Variants in TTYH3 observed in about 807,000 individuals in gnomAD.
The protein encoded by TTYH3 is tweety family member 3.
TTYH3 carries 23 observed loss-of-function variants against 68.2 expected under a neutral mutation model. The ratio of observed to expected loss-of-function variants is 0.34; its 90% confidence interval spans 0.24 to 0.48. The LOEUF is 0.48. Ranked by LOEUF, TTYH3 falls within the 20% of genes least tolerant of loss-of-function variation. TTYH3 has a pLI of 0.99. For missense variants in TTYH3, 768 were observed against 727.7 expected, an observed-to-expected ratio of 1.06 and a Z score of -0.64; for synonymous variants, 360 against 332.8, an observed-to-expected ratio of 1.08 and a Z score of -0.89.
At position 2,654,753 on chromosome 7, in the gene TTYH3, T is replaced by A. The variant is rs565007761; in HGVS notation, c.1021-1339T>A. ...TCACAGGACCATCCCTCTGTGGGTG[T>A]CTGTGTCTTGATCTCCTCTTCTTTT... On this transcript the variant is annotated intron_variant, in intron 9 of 13. Transcript: ENST00000258796. 3.3e-4 allele frequency among the ~76,000 whole-genome samples: 50 copies of A among 152,296 alleles called. 1 individual carries two copies. In the South Asian group the frequency reaches 9.7e-3, roughly 30 times the overall value.
chr7:2,648,030 G>A lies in TTYH3; in HGVS notation c.698G>A (p.Arg233His), dbSNP rs368099591. 7.5e-6 allele frequency: 12 copies of A among 1,610,286 alleles called. No individual in the cohort carries two copies. The African/African-American group carries it at 1.5e-4, about 20-fold the overall frequency. ...CTCCTGGTGCTGGTTGGCCTCATCCGCAGCTCCAAGGGCATCCTGGTGGGG... is the reference window on the plus strand; with the variant it reads ...CTCCTGGTGCTGGTTGGCCTCATCCACAGCTCCAAGGGCATCCTGGTGGGG... ...ICLLVLVGLIRSSKGILVGVC... is the reference protein window; with the variant it reads ...ICLLVLVGLIHSSKGILVGVC... Residue 233 changes from arginine (R) to histidine (H), a missense_variant, in exon 5 of 14, where the codon CGC becomes CAC. Transcript: ENST00000258796.
chr7:2,633,487 G>A (rs1354662417), intron 1 of TTYH3, among the ~76,000 whole-genome samples: 1 of 152,212 alleles, frequency 6.6e-6, no homozygotes, highest in East Asian at 1.9e-4. Flanking sequence ...GGAAGGGGGC[G>A]AGGGATCGGC....
rs924790651 is a variant in TTYH3, at chr7:2,659,860, C to T, written c.1500+845C>T. 8 of 1,261,754 alleles carry T rather than the reference C, an allele frequency of 6.3e-6. No homozygotes were observed. The African/African-American group carries it at 1.2e-4, about 19-fold the overall frequency. 78.2% of individuals were successfully genotyped at this position (1,261,754 alleles called of 1,614,324 possible). A position where few individuals can be genotyped will look rare whatever the true frequency, so the allele number is the denominator to read the frequency against. On this transcript the variant is annotated intron_variant, in intron 13 of 13. Coordinates refer to ENST00000258796, the MANE Select transcript of TTYH3 (RefSeq NM_025250.3). ...GCCATCACACGGCCCACAGCCCACT[C>T]CTGGCCCCACACCCTGGCGTTGAGG... is the stretch of plus-strand genomic sequence containing the variant.
At position 2,661,760 on chromosome 7, in the gene TTYH3, A is replaced by C; in HGVS notation, c.*21A>C. 1 of 1,599,094 alleles carries C rather than the reference A, an allele frequency of 6.3e-7. No individual in the cohort carries two copies. Among genetic ancestry groups the C allele is most frequent in the Non-Finnish European group, 8.5e-7 (1 of 1,175,534 alleles). ...ACTAGACCGCGCCCGGCAGCCACCC[A>C]CCCCACGTGCCAACTTCCCCTCCCC... On this transcript the variant is annotated 3_prime_UTR_variant, in exon 14 of 14. Coordinates refer to ENST00000258796, the MANE Select transcript of TTYH3 (RefSeq NM_025250.3).
At chr7:2,653,976 C>G (rs936640845) in intron 9 of TTYH3, among the ~76,000 whole-genome samples, 2 of 152,230 alleles carry the variant, frequency 1.3e-5, no homozygotes, top group Admixed American at 1.3e-4. Context: ...CACACACCGC[C>G]CCAGGACTGG....
chr7:2,650,984 C>T (rs377178731), intron 7 of TTYH3, among the ~76,000 whole-genome samples: 2 of 148,958 alleles, frequency 1.3e-5, no homozygotes, highest in South Asian at 2.1e-4. Flanking sequence ...CTCTGTGCTG[C>T]GGGACCATAA....
chr7:2,658,579 A>G (rs773808285), intron 12 of TTYH3, 120 bp downstream of exon 12: 2 of 1,292,012 alleles, frequency 1.5e-6, no homozygotes, highest in Non-Finnish European at 2.1e-6. Flanking sequence ...CGGGCTGGGC[A>G]GCCCTGGCCT....
Position 2,647,207 on chromosome 7 carries a change from A to C in TTYH3, c.359A>C (p.Tyr120Ser), listed in dbSNP as rs756015223. ...ETSDGIHRAT[Y>S]SLRHANRTVA... is the part of the protein sequence containing the mutation. Reference sequence around the variant, plus strand: ...AGTGATGGCATCCATAGGGCCACCTACTCGCTCCGCCACGCCAACCGCACG... The same window carrying C: ...AGTGATGGCATCCATAGGGCCACCTCCTCGCTCCGCCACGCCAACCGCACG... Residue 120 changes from tyrosine to serine, a missense_variant, in exon 3 of 14, where the codon TAC (tyrosine) becomes TCC (serine). By Grantham distance (144) the Tyr-to-Ser change is moderately radical. Transcript: ENST00000258796. 1 of 1,604,734 alleles carries C rather than the reference A, an allele frequency of 6.2e-7. No homozygotes were observed.
At chr7:2,650,609 G>C (rs960092378) in intron 7 of TTYH3, among the ~76,000 whole-genome samples, 1 of 152,002 alleles carries the variant, frequency 6.6e-6, no homozygotes, top group Admixed American at 6.6e-5. Context: ...GAAGGACGCT[G>C]CATCTCTTCT....
At position 2,658,333 on chromosome 7, in the gene TTYH3, A is replaced by G; in HGVS notation, c.1298A>G (p.Gln433Arg). The change falls in exon 12 of 14, where the codon CAG (glutamine) becomes CGG (arginine). Residue 433 changes from glutamine to arginine, a missense_variant. Gln to Arg is a conservative substitution (Grantham distance 43). Coordinates refer to ENST00000258796, the MANE Select transcript of TTYH3 (RefSeq NM_025250.3). ...GEEEAAPGPR[Q>R]AHDSLYRVHM... ...GAGGAGGCCGCTCCAGGGCCGCGGCAGGCGCACGACAGCCTCTACCGCGTC... is the reference window on the plus strand; with the variant it reads ...GAGGAGGCCGCTCCAGGGCCGCGGCGGGCGCACGACAGCCTCTACCGCGTC... 6.2e-7 allele frequency: 1 copy of G among 1,603,554 alleles called. No individual in the cohort carries two copies. Among genetic ancestry groups the G allele is most frequent in the Non-Finnish European group, 8.5e-7 (1 of 1,175,110 alleles).
intron 7 of TTYH3, among the ~76,000 whole-genome samples, chr7:2,651,983 C>T (rs553175705): frequency 1.3e-4 from 20 of 152,290 alleles, no homozygotes; most frequent in Admixed American, 3.3e-4. Flanking sequence ...CACGTGCACA[C>T]GAAACGTGCA....
rs144722883 is a variant in TTYH3 at position 2,651,740 on chromosome 7, A to G, written c.872-447A>G. 7.6e-4 allele frequency among the ~76,000 whole-genome samples: 116 copies of G among 152,092 alleles called. 1 individual carries two copies. The highest frequency in any genetic ancestry group is 2.7e-3 in the African/African-American group (113 of 41,340). On this transcript the variant is annotated intron_variant, in intron 7 of 13. Coordinates refer to ENST00000258796, the MANE Select transcript of TTYH3 (RefSeq NM_025250.3). Reference sequence around the variant, plus strand: ...CTTTCATCATTTTTTGAACTTTTAAAATGTTTTTTTTTAATGTTCTTTTAT... The same window carrying G: ...CTTTCATCATTTTTTGAACTTTTAAGATGTTTTTTTTTAATGTTCTTTTAT...
At chr7:2,653,588 C>T (rs6973332) in intron 9 of TTYH3, among the ~76,000 whole-genome samples, 6 of 152,212 alleles carry the variant, frequency 3.9e-5, no homozygotes, top group South Asian at 2.1e-4. Flanking sequence ...AAAGGCCTGG[C>T]GCGGTGGCTC....
intron 11 of TTYH3, among the ~76,000 whole-genome samples, chr7:2,657,377 ATGG>A: frequency 6.7e-6 from 1 of 148,626 alleles, no homozygotes; most frequent in South Asian, 2.1e-4. Flanking sequence ...GGTGGTGGTG[ATGG>A]TGATGATGGT....
chr7:2,646,821 C>T (rs3801080), intron 1 of TTYH3, 32 bp from the exon 2 acceptor site: 2 of 1,575,490 alleles, frequency 1.3e-6, no homozygotes, highest in East Asian at 2.3e-5. Context: ...TGGGGGTCCA[C>T]CCCTCCAGCG....
intron 1 of TTYH3, among the ~76,000 whole-genome samples, chr7:2,633,362 AGAG>A (rs1195004750): frequency 6.6e-6 from 1 of 152,114 alleles, no homozygotes; most frequent in Non-Finnish European, 1.5e-5. Context: ...TCCCGCATCC[AGAG>A]GAGGGAGGCG....
At chr7:2,659,447 G>A (rs1786430115) in intron 13 of TTYH3, among the ~76,000 whole-genome samples, 1 of 152,212 alleles carries the variant, frequency 6.6e-6, no homozygotes, top group Admixed American at 6.5e-5. Flanking sequence ...GGACCTGTGG[G>A]GTGCCACCGC....
At position 2,632,195 on chromosome 7, in the gene TTYH3, C is replaced by T. The variant is rs1230518536; in HGVS notation, c.40C>T (p.Leu14Phe). The T allele has an allele frequency of 2.0e-5, 31 of 1,554,824 alleles. No individual in the cohort carries two copies. Among genetic ancestry groups the T allele is most frequent in the Non-Finnish European group, 2.5e-5 (29 of 1,149,098 alleles). The change falls in exon 1 of 14, where the codon CTC (leucine) becomes TTC (phenylalanine). Residue 14 changes from leucine (L) to phenylalanine (F), a missense_variant. Physicochemically the swap from Leu to Phe is conservative, Grantham distance 22. Transcript: ENST00000258796. ...VSYAAPWWVS[L>F]LHRLPHFDLS... ...CTACGCGGCGCCCTGGTGGGTGAGC[C>T]TCCTGCACCGGCTGCCCCACTTCGA...
rs1583549987 is a variant in TTYH3 at position 2,632,367 on chromosome 7, C to T, written c.123+89C>T. ...GGGTCACGGCCCCCATCCCCGAGGG[C>T]CTAAAGACCCCTCATCCCCCCCTCC... On this transcript the variant is annotated intron_variant, in intron 1 of 13. Coordinates refer to ENST00000258796, the MANE Select transcript of TTYH3 (RefSeq NM_025250.3). 9 of 1,302,046 alleles carry T rather than the reference C, an allele frequency of 6.9e-6. No individual in the cohort carries two copies. The East Asian group carries it at 2.4e-4, about 35-fold the overall frequency. The allele number at this position is 1,302,046 out of a possible 1,614,324, so 80.7% of individuals were successfully genotyped here.
Sources: allele counts gnomAD v4.1 joint callset (sites outside exome capture counted in the v4.1 genomes callset), GRCh38; gene constraint gnomAD v4.1.1; transcripts MANE v1.5; gene names NCBI Gene and HGNC (gene_info 2026-07-23, HGNC 2026-07-21).